The following CTNNA3 variants were observed in gnomAD, a reference collection of about 807,000 sequenced individuals.
CTNNA3 encodes catenin alpha-3.
In CTNNA3, 76 loss-of-function variants were observed where a neutral mutation model predicts 95.7. The observed-to-expected ratio is 0.79, with a 90% CI of 0.66 to 0.96. The LOEUF (loss-of-function observed/expected upper bound fraction) is 0.96, where lower values mean the gene tolerates loss of function less well. CTNNA3 is among the 40% of genes least tolerant of loss of function. CTNNA3 has a pLI of 0.00. For synonymous variants in CTNNA3, 431 were observed against 374.4 expected, an observed-to-expected ratio of 1.15 and a Z score of -1.74; for missense variants, 1,191 against 1,089.8, an observed-to-expected ratio of 1.09 and a Z score of -1.31.
At chr10:67,549,312 G>C (rs1224039528) in intron 3 of CTNNA3, among the ~76,000 whole-genome samples, 6 of 152,032 alleles carry the variant, frequency 3.9e-5, no homozygotes, top group Non-Finnish European at 7.4e-5. Flanking sequence ...GGAATATCAA[G>C]ATCATTAAAA....
intron 7 of CTNNA3, among the ~76,000 whole-genome samples, chr10:66,860,020 G>A (rs1843849380): frequency 9.6e-6 from 1 of 104,212 alleles, no homozygotes; most frequent in South Asian, 4.2e-4. Flanking sequence ...CTGTTGTGGG[G>A]TGGGGGGAGG....
chr10:67,726,220 ACAT>A (rs1367368839), intron 1 of CTNNA3, among the ~76,000 whole-genome samples: 1 of 104,360 alleles, frequency 9.6e-6, no homozygotes, highest in Admixed American at 1.4e-4. Context: ...TATACATAAT[ACAT>A]CATACATTAT....
At chr10:67,206,868 C>T (rs185035103) in intron 6 of CTNNA3, among the ~76,000 whole-genome samples, 11 of 152,186 alleles carry the variant, frequency 7.2e-5, no homozygotes, top group African/African-American at 2.6e-4. Flanking sequence ...AAACAACTCA[C>T]GCCTGTAATC....
chr10:66,467,379 A>G (rs1315142324), intron 11 of CTNNA3, among the ~76,000 whole-genome samples: 1 of 152,078 alleles, frequency 6.6e-6, no homozygotes, highest in Non-Finnish European at 1.5e-5. Flanking sequence ...GCTCCTTTCT[A>G]TGCAATGACT....
intron 13 of CTNNA3, among the ~76,000 whole-genome samples, chr10:66,244,055 A>T (rs1467728297): frequency 1.3e-5 from 2 of 152,166 alleles, no homozygotes; most frequent in South Asian, 4.1e-4. Flanking sequence ...TGTAGCATTT[A>T]CCACAAGCTG....
intron 6 of CTNNA3, among the ~76,000 whole-genome samples, chr10:67,216,244 A>G (rs555106003): frequency 6.6e-6 from 1 of 152,180 alleles, no homozygotes; most frequent in East Asian, 1.9e-4. Context: ...GTAACAGGGA[A>G]CTCTGACTAA....
In CTNNA3 at chr10:66,417,425, C is replaced by T. The variant is rs375183379; in HGVS notation, c.1532-38073G>A. ...GAAAAGAAAGACTCCAATGCAATAA[C>T]TGTGGGGGAATTTACCACCTTATTC... is the stretch of plus-strand genomic sequence containing the variant. On this transcript the variant is annotated intron_variant, in intron 11 of 17. Coordinates refer to ENST00000433211, the MANE Select transcript of CTNNA3 (RefSeq NM_013266.4). Among the ~76,000 whole-genome samples, 65 of 152,136 alleles carry T rather than the reference C, an allele frequency of 4.3e-4. 1 individual carries two copies. The South Asian group carries it at 0.013, about 31-fold the overall frequency.
At chr10:66,227,104 A>T (rs2089332598) in intron 13 of CTNNA3, among the ~76,000 whole-genome samples, 1 of 152,076 alleles carries the variant, frequency 6.6e-6, no homozygotes, top group Non-Finnish European at 1.5e-5. Context: ...AGCTCAAGTG[A>T]TCCTCTCATT....
At chr10:66,396,360 T>A (rs2092977138) in intron 11 of CTNNA3, among the ~76,000 whole-genome samples, 1 of 151,998 alleles carries the variant, frequency 6.6e-6, no homozygotes, top group Admixed American at 6.6e-5. Flanking sequence ...ACATGGAATG[T>A]AATCAGGCAA....
At position 65,994,981 on chromosome 10, in the gene CTNNA3, C is replaced by A. The variant is rs181936469; in HGVS notation, c.2160-6184G>T. On this transcript the variant is annotated intron_variant, in intron 15 of 17. Transcript: ENST00000433211. Reference sequence around the variant, plus strand: ...AATTTTGTATTTCATTCATTGAATTCTTAGTTCCAGAATTTTTGTTTCTTT... The same window carrying A: ...AATTTTGTATTTCATTCATTGAATTATTAGTTCCAGAATTTTTGTTTCTTT... Among the ~76,000 whole-genome samples the A allele has an allele frequency of 2.9e-3, 435 of 152,058 alleles. 3 individuals are homozygous for A. The highest frequency in any genetic ancestry group is 9.0e-3 in the African/African-American group (372 of 41,506).
intron 2 of CTNNA3, among the ~76,000 whole-genome samples, chr10:67,620,770 C>A (rs1379901557): frequency 6.6e-6 from 1 of 151,788 alleles, no homozygotes; most frequent in Non-Finnish European, 1.5e-5. Flanking sequence ...TGGTATCTTG[C>A]AAATCAAGAT....
intron 7 of CTNNA3, among the ~76,000 whole-genome samples, chr10:66,840,348 TCTCTCTCTCTCTCTCTCTCTCTCTCACA>T (rs1413668026): frequency 8.2e-6 from 1 of 121,602 alleles, no homozygotes; most frequent in African/African-American, 4.1e-5. Context: ...TCTCTCTCTC[TCTCTCTCTCTCTCTCTCTCTCTCTCACA>T]CACACACACA....
intron 1 of CTNNA3, among the ~76,000 whole-genome samples, chr10:67,653,200 C>T (rs1839927062): frequency 6.6e-6 from 1 of 152,060 alleles, no homozygotes; most frequent in South Asian, 2.1e-4. Flanking sequence ...AGAGAGGTGC[C>T]ACACACTTTT....
At chr10:67,442,861 T>G (rs1453044686) in intron 5 of CTNNA3, among the ~76,000 whole-genome samples, 2 of 151,614 alleles carry the variant, frequency 1.3e-5, no homozygotes, top group Admixed American at 6.6e-5. Context: ...TAGTTACATA[T>G]GTATACATGT....
At chr10:66,268,117 T>C (rs1418694026) in intron 13 of CTNNA3, among the ~76,000 whole-genome samples, 1 of 152,114 alleles carries the variant, frequency 6.6e-6, no homozygotes, top group Non-Finnish European at 1.5e-5. Context: ...ATGATGATGA[T>C]GACTATGATA....
chr10:66,338,678 G>A (rs1021823165), intron 12 of CTNNA3, among the ~76,000 whole-genome samples: 2 of 151,840 alleles, frequency 1.3e-5, no homozygotes, highest in Admixed American at 1.3e-4. Flanking sequence ...GGAAGGATGA[G>A]ACAAAGATCA....
At chr10:67,292,187 A>G (rs1483875513) in intron 5 of CTNNA3, among the ~76,000 whole-genome samples, 3 of 152,152 alleles carry the variant, frequency 2.0e-5, no homozygotes, top group Non-Finnish European at 2.9e-5. Flanking sequence ...CTTTATGGCC[A>G]GTTTTTACAC....
At chr10:67,267,802 G>C (rs1866890461) in intron 5 of CTNNA3, among the ~76,000 whole-genome samples, 1 of 152,080 alleles carries the variant, frequency 6.6e-6, no homozygotes, top group African/African-American at 2.4e-5. Flanking sequence ...TGGAACATGG[G>C]ACAGCTATTT....
chr10:66,187,177 T>C (rs2086391001), intron 13 of CTNNA3, among the ~76,000 whole-genome samples: 3 of 152,172 alleles, frequency 2.0e-5, no homozygotes, highest in South Asian at 2.1e-4. Flanking sequence ...CCCTGGAAAA[T>C]CCCACGTGCA....
Sources: allele counts gnomAD v4.1 joint callset (sites outside exome capture counted in the v4.1 genomes callset), GRCh38; gene constraint gnomAD v4.1.1; transcripts MANE v1.5; gene names NCBI Gene and HGNC (gene_info 2026-07-23, HGNC 2026-07-21).